Variants in BRINP3 observed in about 807,000 individuals in gnomAD.
The protein encoded by BRINP3 is BMP/retinoic acid-inducible neural-specific protein 3.
A neutral mutation model predicts 71.0 loss-of-function variants in BRINP3; 19 were observed. That is an observed-to-expected ratio of 0.27 (90% CI 0.19 to 0.39). The LOEUF is 0.39. Ranked by LOEUF, BRINP3 falls within the 10% of genes least tolerant of loss-of-function variation. The pLI is 1.00. For missense variants in BRINP3, 959 were observed against 940.8 expected, an observed-to-expected ratio of 1.02 and a Z score of -0.25; for synonymous variants, 380 against 337.7, an observed-to-expected ratio of 1.13 and a Z score of -1.37.
At chr1:190,173,426 G>A (rs1432034362) in intron 6 of BRINP3, among the ~76,000 whole-genome samples, 1 of 152,166 alleles carries the variant, frequency 6.6e-6, no homozygotes, top group African/African-American at 2.4e-5. Flanking sequence ...AGCTGGAGCA[G>A]CCACACTGTA....
chr1:190,440,244 C>A (rs1324119142), intron 2 of BRINP3, among the ~76,000 whole-genome samples: 2 of 151,684 alleles, frequency 1.3e-5, no homozygotes, highest in African/African-American at 4.8e-5. Flanking sequence ...TAAATCGTTT[C>A]TCTTTTTACA....
chr1:190,427,164 A>G (rs1673766291), intron 2 of BRINP3, among the ~76,000 whole-genome samples: 2 of 151,980 alleles, frequency 1.3e-5, no homozygotes, highest in Non-Finnish European at 2.9e-5. Context: ...ATGGGTATGA[A>G]AAACTAGACA....
intron 6 of BRINP3, among the ~76,000 whole-genome samples, chr1:190,177,560 T>G: frequency 6.6e-6 from 1 of 151,914 alleles, no homozygotes; most frequent in East Asian, 1.9e-4. Flanking sequence ...AAATGCATTA[T>G]TTAAACAAAT....
At chr1:190,186,445 A>G (rs1472400738) in intron 6 of BRINP3, among the ~76,000 whole-genome samples, 1 of 152,094 alleles carries the variant, frequency 6.6e-6, no homozygotes, top group Admixed American at 6.6e-5. Context: ...TTTTGCCTAG[A>G]TCCAGGAAAT....
intron 2 of BRINP3, among the ~76,000 whole-genome samples, chr1:190,312,357 C>A (rs1379640405): frequency 2.0e-5 from 3 of 151,286 alleles, no homozygotes; most frequent in South Asian, 4.2e-4. Flanking sequence ...CAAGAAAAGT[C>A]AAAATACAGC....
chr1:190,327,326 C>CAAAAAAAAAAAAAAAAAAAAAAAAAGAAA (rs1227478693), intron 2 of BRINP3, among the ~76,000 whole-genome samples: 13 of 44,220 alleles, frequency 2.9e-4, no homozygotes, highest in Non-Finnish European at 3.9e-4. Flanking sequence ...AAAAAAAGAA[C>CAAAAAAAAAAAAAAAAAAAAAAAAAGAAA]AAAAAAAAAA....
At position 190,128,702 on chromosome 1, in the gene BRINP3, A is replaced by G. The variant is rs151032102; in HGVS notation, c.1185-29568T>C. ...GATATTTGCTGTGATTTACCAGTTT[A>G]TCACATAAAAGATGAATTGCCTTTA... On this transcript the variant is annotated intron_variant, in intron 7 of 7. Coordinates refer to ENST00000367462, the MANE Select transcript of BRINP3 (RefSeq NM_199051.3). Among the ~76,000 whole-genome samples, 53 of 151,966 alleles carry G rather than the reference A, an allele frequency of 3.5e-4. 1 individual carries two copies. The East Asian group carries it at 9.8e-3, about 28-fold the overall frequency.
intron 6 of BRINP3, among the ~76,000 whole-genome samples, chr1:190,164,690 A>C (rs1651325562): frequency 6.6e-6 from 1 of 152,120 alleles, no homozygotes; most frequent in East Asian, 1.9e-4. Flanking sequence ...TCTTGGGCTC[A>C]CGCAATTCTC....
chr1:190,377,650 A>G (rs1670269234), intron 2 of BRINP3, among the ~76,000 whole-genome samples: 2 of 150,660 alleles, frequency 1.3e-5, no homozygotes, highest in Admixed American at 6.6e-5. Flanking sequence ...ACACACATAC[A>G]CACACACAAA....
intron 7 of BRINP3, among the ~76,000 whole-genome samples, chr1:190,141,555 C>CTTTTTTTTTTTTTTTTTTT (rs35090212): frequency 2.4e-5 from 2 of 82,376 alleles, no homozygotes; most frequent in African/African-American, 5.2e-5. Flanking sequence ...TCTTTCTTTC[C>CTTTTTTTTTTTTTTTTTTT]TTTTTTTTTT....
chr1:190,443,206 T>C (rs1674952106), intron 2 of BRINP3, among the ~76,000 whole-genome samples: 1 of 152,010 alleles, frequency 6.6e-6, no homozygotes, highest in Non-Finnish European at 1.5e-5. Context: ...TCCAGCCTTC[T>C]GTATCTTGAC....
chr1:190,099,562 T>C (rs1194841696), intron 7 of BRINP3, among the ~76,000 whole-genome samples: 1 of 152,186 alleles, frequency 6.6e-6, no homozygotes, highest in Non-Finnish European at 1.5e-5. Flanking sequence ...TTAGAGCATA[T>C]ACATGGTGAT....
At chr1:190,352,135 A>T (rs1208904513) in intron 2 of BRINP3, among the ~76,000 whole-genome samples, 2 of 152,070 alleles carry the variant, frequency 1.3e-5, no homozygotes, top group African/African-American at 4.8e-5. Flanking sequence ...AGGAAAAAAA[A>T]TTTGTGTAGA....
chr1:190,211,330 G>T (rs1368803068), intron 6 of BRINP3, among the ~76,000 whole-genome samples: 1 of 151,984 alleles, frequency 6.6e-6, no homozygotes, highest in Admixed American at 6.6e-5. Context: ...TACAAGTTCT[G>T]CCCCTCTAGA....
intron 6 of BRINP3, among the ~76,000 whole-genome samples, chr1:190,191,094 C>T (rs1378856584): frequency 1.3e-5 from 2 of 152,052 alleles, no homozygotes; most frequent in East Asian, 3.9e-4. Context: ...AAGAGGCAAC[C>T]TCCCTCACTT....
chr1:190,152,965 A>G (rs1231776421), intron 7 of BRINP3, among the ~76,000 whole-genome samples: 1 of 152,176 alleles, frequency 6.6e-6, no homozygotes, highest in Non-Finnish European at 1.5e-5. Context: ...TAAAAGATTT[A>G]TGAGTAGGTT....
At chr1:190,105,957 C>T (rs1034628293) in intron 7 of BRINP3, among the ~76,000 whole-genome samples, 32 of 151,870 alleles carry the variant, frequency 2.1e-4, no homozygotes, top group African/African-American at 5.5e-4. Flanking sequence ...TAAAAATTAG[C>T]GTACACATGC....
At chr1:190,207,217 T>C (rs1340724548) in intron 6 of BRINP3, among the ~76,000 whole-genome samples, 1 of 152,080 alleles carries the variant, frequency 6.6e-6, no homozygotes, top group Non-Finnish European at 1.5e-5. Context: ...TGTCTGTCTG[T>C]CAGTTTTAAC....
chr1:190,431,068 C>A (rs553124884), intron 2 of BRINP3, among the ~76,000 whole-genome samples: 1 of 152,022 alleles, frequency 6.6e-6, no homozygotes, highest in Non-Finnish European at 1.5e-5. Context: ...TTATGACATA[C>A]TACGTATTAG....
Sources: allele counts gnomAD v4.1 joint callset (sites outside exome capture counted in the v4.1 genomes callset), GRCh38; gene constraint gnomAD v4.1.1; transcripts MANE v1.5; gene names NCBI Gene and HGNC (gene_info 2026-07-23, HGNC 2026-07-21).